DNAH2: variants seen among roughly 807,000 people sequenced by gnomAD.
The protein encoded by DNAH2 is axonemal beta dynein heavy chain 2.
A neutral mutation model predicts 523.5 loss-of-function variants in DNAH2; 323 were observed. The ratio of observed to expected loss-of-function variants is 0.62; its 90% CI spans 0.56 to 0.68. The LOEUF is 0.68. DNAH2 is among the 30% of genes least tolerant of loss of function. The pLI, the probability that DNAH2 is intolerant of heterozygous loss-of-function variation, is 0.00. For synonymous variants in DNAH2, 2,093 were observed against 2,177.4 expected, an observed-to-expected ratio of 0.96 and a Z score of 1.08; for missense variants, 4,907 against 5,701.5, an observed-to-expected ratio of 0.86 and a Z score of 4.49.
At position 7,742,815 on chromosome 17, in the gene DNAH2, A is replaced by G. The variant is rs1042339697; in HGVS notation, c.1690-113A>G. ...TCAATCCATCTCCATAGCAAGCCTT[A>G]TGCATATTGTTGGGGTATGTGCGCA... On this transcript the variant is annotated intron_variant, in intron 11 of 85. Transcript: ENST00000572933. 69 of 617,560 alleles carry G rather than the reference A, an allele frequency of 1.1e-4. 1 individual carries two copies. The highest frequency in any genetic ancestry group is 1.6e-4 in the Non-Finnish European group (64 of 408,922). The allele number at this position is 617,560 out of a possible 1,614,324, so 38.3% of individuals were successfully genotyped here.
rs888256332 is a variant in DNAH2 at position 7,734,521 on chromosome 17, A to G, written c.791A>G (p.Glu264Gly). The stretch of plus-strand genomic sequence containing the variant: ...ATAAAGGAGATGCTCAGTGCCCAGG[A>G]GACTGTGGAGACAGGAGAAAATTTA... ...RQIKEMLSAQ[E>G]TVETGENLGP... Residue 264 changes from glutamate (E) to glycine (G), a missense_variant, in exon 7 of 86, where the codon GAG becomes GGG. Coordinates refer to ENST00000572933, the MANE Select transcript of DNAH2 (RefSeq NM_020877.5). 1 of 1,613,916 alleles carries G rather than the reference A, an allele frequency of 6.2e-7. No homozygotes were observed. The highest frequency in any genetic ancestry group is 8.5e-7 in the Non-Finnish European group (1 of 1,180,008).
rs145199357 is a variant in DNAH2 at position 7,750,104 on chromosome 17, G to C, written c.1904+6962G>C. The stretch of plus-strand genomic sequence containing the variant: ...TCTGCTCTGCTTCCCAGGTTCAAGC[G>C]ATTCTCCTACCTCAGGTGATCCACA... On this transcript the variant is annotated intron_variant, in intron 12 of 85. Transcript: ENST00000572933. 8.6e-3 allele frequency among the ~76,000 whole-genome samples: 1,302 copies of C among 152,086 alleles called. 18 individuals are homozygous for C. The highest frequency in any genetic ancestry group is 0.03 in the African/African-American group (1,235 of 41,470).
chr17:7,771,380 C>A lies in DNAH2; in HGVS notation c.4413C>A (p.Thr1471=), dbSNP rs1485806272. Residue 1471 remains threonine, a synonymous_variant, in exon 28 of 86, where the codon ACC becomes ACA. Transcript: ENST00000572933. ...GCAAGCAGCTGCCCAATGAATCGAC[C>A]TTATTTGACCAGGTCAACAGCAACT... ...DIRKQLPNES[T]LFDQVNSNWK... is the part of the protein sequence containing the mutation. The A allele has an allele frequency of 1.2e-6, 2 of 1,614,082 alleles. No homozygotes were observed. Among genetic ancestry groups the A allele is most frequent in the South Asian group, 2.2e-5 (2 of 91,082 alleles).
chr17:7,794,958 T>A (rs530860482), intron 49 of DNAH2, among the ~76,000 whole-genome samples: 1 of 152,172 alleles, frequency 6.6e-6, no homozygotes, highest in South Asian at 2.1e-4. Flanking sequence ...TTTCGTCATG[T>A]TGCCCAGTCT....
chr17:7,740,040 G>C, intron 9 of DNAH2, 102 bp downstream of exon 9: 1 of 944,140 alleles, frequency 1.1e-6, no homozygotes, highest in Non-Finnish European at 1.4e-6. Flanking sequence ...ATGGTGGAAG[G>C]ACAGATCGGG....
At chr17:7,782,300 G>T (rs1169994718) in intron 39 of DNAH2, among the ~76,000 whole-genome samples, 2 of 152,184 alleles carry the variant, frequency 1.3e-5, no homozygotes, top group East Asian at 1.9e-4. Flanking sequence ...TGCTTGTTTT[G>T]ACCTCTGATG....
In DNAH2 at chr17:7,786,453, C is replaced by T; in HGVS notation, c.6348+111C>T. Reference sequence around the variant, plus strand: ...AAGGCCGGGAGAGCTGTACCTGGGACCATGGTGGCCTGGAGCGATGAGAGA... The same window carrying T: ...AAGGCCGGGAGAGCTGTACCTGGGATCATGGTGGCCTGGAGCGATGAGAGA... On this transcript the variant is annotated intron_variant, in intron 40 of 85. Coordinates refer to ENST00000572933, the MANE Select transcript of DNAH2 (RefSeq NM_020877.5). This position sits in a 1 kb window ranked among gnomAD's most constrained non-coding sequence, Gnocchi z 7.5. 6.8e-7 allele frequency: 1 copy of T among 1,467,994 alleles called. No homozygotes were observed. Among genetic ancestry groups the T allele is most frequent in the Non-Finnish European group, 9.3e-7 (1 of 1,072,818 alleles). The allele number at this position is 1,467,994 out of a possible 1,614,324, so 90.9% of individuals were successfully genotyped here. A position where few individuals can be genotyped will look rare whatever the true frequency, so the allele number is the denominator to read the frequency against.
At chr17:7,816,433 A>G in intron 63 of DNAH2, 138 bp from the exon 64 acceptor site, 1 of 974,942 alleles carries the variant, frequency 1.0e-6, no homozygotes, top group Non-Finnish European at 1.5e-6. Context: ...CTTTTACAAC[A>G]TGAGGAAACT....
intron 73 of DNAH2, 108 bp from the exon 74 acceptor site, chr17:7,823,334 A>T: frequency 9.6e-7 from 1 of 1,037,282 alleles, no homozygotes; most frequent in Non-Finnish European, 1.3e-6. Context: ...TCCCACCGAG[A>T]GAGAGAAAAA....
intron 77 of DNAH2, among the ~76,000 whole-genome samples, chr17:7,826,514 G>A (rs1478727345): frequency 1.4e-5 from 2 of 147,020 alleles, no homozygotes; most frequent in African/African-American, 5.0e-5. Context: ...ATGATTCCTT[G>A]AATATCTGTG....
chr17:7,833,395 C>T lies in DNAH2; in HGVS notation c.13146C>T (p.Pro4382=). 1 of 1,614,150 alleles carries T rather than the reference C, an allele frequency of 6.2e-7. No homozygotes were observed. The highest frequency in any genetic ancestry group is 8.5e-7 in the Non-Finnish European group (1 of 1,180,026). The change falls in exon 86 of 86, where the codon CCC becomes CCT. Residue 4382 remains proline (P), a synonymous_variant. Transcript: ENST00000572933. ...KKSAKGMYSC[P]CYYYPNRAGS... is the part of the protein sequence containing the mutation. ...TTCCCCCAGGCATGTACTCCTGCCC[C>T]TGCTATTACTATCCCAACCGGGCAG...
chr17:7,738,383 G>A (rs1265795510), intron 8 of DNAH2, among the ~76,000 whole-genome samples: 1 of 152,034 alleles, frequency 6.6e-6, no homozygotes, highest in Non-Finnish European at 1.5e-5. Flanking sequence ...AGGCTGGAGT[G>A]CAGTGGCGCG....
At position 7,807,729 on chromosome 17, in the gene DNAH2, G is replaced by A; in HGVS notation, c.9729+143G>A. 1 of 748,500 alleles carries A rather than the reference G, an allele frequency of 1.3e-6. No individual in the cohort carries two copies. The highest frequency in any genetic ancestry group is 2.2e-6 in the Non-Finnish European group (1 of 454,396). 46.4% of individuals were successfully genotyped at this position (748,500 alleles called of 1,614,324 possible). A position where few individuals can be genotyped will look rare whatever the true frequency, so the allele number is the denominator to read the frequency against. ...TCCAGTCCTGTCTCCTTCCCACTCTGTGCCCTGTTTAGACTGGGCTGCCTC... is the reference window on the plus strand; with the variant it reads ...TCCAGTCCTGTCTCCTTCCCACTCTATGCCCTGTTTAGACTGGGCTGCCTC... On this transcript the variant is annotated intron_variant, in intron 63 of 85. Transcript: ENST00000572933. This position sits in a 1 kb window ranked among gnomAD's most constrained non-coding sequence, Gnocchi z 5.6.
At position 7,749,466 on chromosome 17, in the gene DNAH2, C is replaced by A. The variant is rs534891893; in HGVS notation, c.1904+6324C>A. Among the ~76,000 whole-genome samples, 3 of 151,644 alleles carry A rather than the reference C, an allele frequency of 2.0e-5. 1 individual carries two copies. The highest frequency in any genetic ancestry group is 7.2e-5 in the African/African-American group (3 of 41,380). On this transcript the variant is annotated intron_variant, in intron 12 of 85. Transcript: ENST00000572933. ...AGATGTTTATCAACAGTGACAAATCCAAGACATCCAGTTTGAAGGACATGA... is the reference window on the plus strand; with the variant it reads ...AGATGTTTATCAACAGTGACAAATCAAAGACATCCAGTTTGAAGGACATGA...
chr17:7,804,879 C>A lies in DNAH2; in HGVS notation c.9184-79C>A, dbSNP rs907230150. 33 of 1,244,550 alleles carry A rather than the reference C, an allele frequency of 2.7e-5. 1 individual carries two copies. In the Middle Eastern group the frequency reaches 1.4e-3, roughly 51 times the overall value. 77.1% of individuals were successfully genotyped at this position (1,244,550 alleles called of 1,614,324 possible). On this transcript the variant is annotated intron_variant, in intron 59 of 85. Coordinates refer to ENST00000572933, the MANE Select transcript of DNAH2 (RefSeq NM_020877.5). ...AAAAAAATTCTTTAGCTTTCTCTTT[C>A]ATCTTTTCCACCAACACCGTCACTC... is the stretch of plus-strand genomic sequence containing the variant.
chr17:7,726,738 G>A (rs1370458477), intron 3 of DNAH2, among the ~76,000 whole-genome samples: 1 of 152,028 alleles, frequency 6.6e-6, no homozygotes, highest in Non-Finnish European at 1.5e-5. Flanking sequence ...CCCTTTTCCA[G>A]CTTGTGGTCT....
Position 7,830,746 on chromosome 17 carries a change from A to ATGG in DNAH2, c.12138_12140dup (p.Gly4047dup). 1.9e-6 allele frequency: 3 copies of ATGG among 1,614,156 alleles called. No homozygotes were observed. The highest frequency in any genetic ancestry group is 2.5e-6 in the Non-Finnish European group (3 of 1,180,032). On this transcript the variant is annotated inframe_insertion, in exon 79 of 86. Coordinates refer to ENST00000572933, the MANE Select transcript of DNAH2 (RefSeq NM_020877.5). ...AAGTACCTCATTGCCGGCATCAACTATGGTGGACATGTCACAGATGACTGG... is the reference window on the plus strand; with the variant it reads ...AAGTACCTCATTGCCGGCATCAACTATGGTGGTGGACATGTCACAGATGACTGG...
chr17:7,781,236 AGGCCGAGGT>A, intron 39 of DNAH2, 69 bp downstream of exon 39: 1 of 1,580,166 alleles, frequency 6.3e-7, no homozygotes, highest in Non-Finnish European at 8.7e-7. Flanking sequence ...GCACTTTGGG[AGGCCGAGGT>A]GGGCAGACTG....
chr17:7,775,029 G>C, intron 29 of DNAH2, 53 bp downstream of exon 29: 1 of 1,575,138 alleles, frequency 6.3e-7, no homozygotes, highest in African/African-American at 1.4e-5. Flanking sequence ...AGGGTGTTGG[G>C]GTATGAAAAG....
Sources: gnomAD v4.1 joint callset for allele counts (sites outside exome capture counted in the v4.1 genomes callset) on GRCh38, gnomAD v4.1.1 for gene constraint, Gnocchi (gnomAD v3.1) non-coding constraint, MANE v1.5 for transcripts, NCBI Gene and HGNC (gene_info 2026-07-23, HGNC 2026-07-21) for gene names.